PRKG1: variants seen among roughly 807,000 people sequenced by gnomAD.
The protein encoded by PRKG1 is protein kinase cGMP-dependent 1.
PRKG1 carries 35 observed loss-of-function variants against 88.1 expected under a neutral mutation model. The ratio of observed to expected loss-of-function variants is 0.40; its 90% CI spans 0.30 to 0.53. PRKG1 has a LOEUF of 0.53. Among genes scored for constraint, PRKG1 ranks in the 20% least tolerant of loss-of-function variants. PRKG1 has a pLI of 0.59. For synonymous variants in PRKG1, 303 were observed against 292.5 expected (o/e 1.04, Z -0.37); for missense variants, 540 against 839.8 (o/e 0.64, Z 4.41).
chr10:52,206,364 C>A (rs1194491), intron 9 of PRKG1, among the ~76,000 whole-genome samples: 79,708 of 151,832 alleles, frequency 0.52, 21,982 homozygotes, highest in East Asian at 0.72. Context: ...TCTCTTGAAT[C>A]TCCATGATCT....
chr10:51,022,815 A>G (rs913183753), intron 1 of PRKG1, among the ~76,000 whole-genome samples: 3 of 152,154 alleles, frequency 2.0e-5, no homozygotes, highest in Non-Finnish European at 2.9e-5. Flanking sequence ...TAAAATTCAG[A>G]TAAATTAAGA....
chr10:51,442,223 CA>C (rs1405415414), intron 2 of PRKG1, among the ~76,000 whole-genome samples: 1 of 151,908 alleles, frequency 6.6e-6, no homozygotes, highest in Non-Finnish European at 1.5e-5. Flanking sequence ...GTTTTTGAAA[CA>C]ATTCTTATTT....
intron 5 of PRKG1, among the ~76,000 whole-genome samples, chr10:52,020,817 G>A (rs914332377): frequency 3.9e-5 from 6 of 152,052 alleles, no homozygotes; most frequent in South Asian, 2.1e-4. Flanking sequence ...CTTACTGCAC[G>A]TGCCCCGGCT....
intron 1 of PRKG1, among the ~76,000 whole-genome samples, chr10:51,122,358 C>G (rs1438780229): frequency 1.3e-5 from 2 of 152,140 alleles, no homozygotes; most frequent in Non-Finnish European, 2.9e-5. Context: ...GACACAATAT[C>G]AACACAGCAC....
chr10:51,031,314 T>G (rs1284899634), intron 1 of PRKG1, among the ~76,000 whole-genome samples: 1 of 152,158 alleles, frequency 6.6e-6, no homozygotes, highest in Non-Finnish European at 1.5e-5. Context: ...ACTCTTAAAT[T>G]TGTGACAATG....
At chr10:52,036,930 T>C (rs1482430378) in intron 5 of PRKG1, among the ~76,000 whole-genome samples, 1 of 152,232 alleles carries the variant, frequency 6.6e-6, no homozygotes, top group African/African-American at 2.4e-5. Context: ...TCCGTATTGA[T>C]TAAGAAGGGG....
chr10:51,817,678 T>A (rs939643378), intron 4 of PRKG1, among the ~76,000 whole-genome samples: 12 of 152,186 alleles, frequency 7.9e-5, no homozygotes, highest in Non-Finnish European at 1.2e-4. Context: ...TTGTTATTTT[T>A]AATTTATGTT....
chr10:51,629,752 T>C (rs1839476181), intron 3 of PRKG1, among the ~76,000 whole-genome samples: 2 of 152,200 alleles, frequency 1.3e-5, no homozygotes, highest in South Asian at 4.2e-4. Context: ...ACCTGGCTTA[T>C]TAACAAGTGG....
chr10:52,176,997 A>G (rs533508302), intron 9 of PRKG1, among the ~76,000 whole-genome samples: 1 of 152,154 alleles, frequency 6.6e-6, no homozygotes, highest in Non-Finnish European at 1.5e-5. Flanking sequence ...TCCAGTTTGG[A>G]TGCCCTTTAT....
intron 3 of PRKG1, among the ~76,000 whole-genome samples, chr10:51,486,001 G>A (rs1045387819): frequency 1.2e-4 from 19 of 152,202 alleles, no homozygotes; most frequent in Middle Eastern, 3.4e-3. Flanking sequence ...GTTCGTTACC[G>A]TCATTTATCA....
chr10:51,524,993 G>A (rs990428851), intron 3 of PRKG1, among the ~76,000 whole-genome samples: 1 of 151,990 alleles, frequency 6.6e-6, no homozygotes, highest in East Asian at 1.9e-4. Flanking sequence ...AATTTGTTTT[G>A]TGCCAAGTAA....
intron 4 of PRKG1, among the ~76,000 whole-genome samples, chr10:51,903,394 A>G (rs564210270): frequency 5.7e-4 from 87 of 152,290 alleles, no homozygotes; most frequent in Non-Finnish European, 9.0e-4. Flanking sequence ...TATTAAGGCT[A>G]TATACTTAGG....
chr10:52,258,258 T>C (rs1441829685), intron 10 of PRKG1, among the ~76,000 whole-genome samples: 3 of 139,276 alleles, frequency 2.2e-5, no homozygotes, highest in African/African-American at 7.4e-5. Flanking sequence ...TGGGCATGTC[T>C]TTCCAAAGCT....
intron 3 of PRKG1, among the ~76,000 whole-genome samples, chr10:51,611,495 C>A (rs529711444): frequency 4.2e-4 from 59 of 140,102 alleles, no homozygotes; most frequent in Middle Eastern, 7.3e-3. Context: ...AAAAAAAAAA[C>A]GTTAAATTGT....
intron 2 of PRKG1, among the ~76,000 whole-genome samples, chr10:51,383,361 A>G (rs1416762185): frequency 6.6e-6 from 1 of 152,148 alleles, no homozygotes; most frequent in East Asian, 1.9e-4. Flanking sequence ...AGGGAAGAGG[A>G]CAATTAGAAG....
intron 2 of PRKG1, among the ~76,000 whole-genome samples, chr10:51,442,710 C>A (rs1366396036): frequency 6.6e-6 from 1 of 151,936 alleles, no homozygotes; most frequent in Non-Finnish European, 1.5e-5. Context: ...AAAAGCATGT[C>A]TTCATTTATT....
At chr10:52,229,084 A>T (rs1168297957) in intron 9 of PRKG1, among the ~76,000 whole-genome samples, 2 of 150,652 alleles carry the variant, frequency 1.3e-5, no homozygotes, top group African/African-American at 4.9e-5. Flanking sequence ...TTTATGTACT[A>T]TTTTTTTTTC....
intron 3 of PRKG1, among the ~76,000 whole-genome samples, chr10:51,661,613 G>A (rs1019078004): frequency 5.9e-5 from 9 of 152,100 alleles, no homozygotes; most frequent in Admixed American, 2.0e-4. Context: ...AAATAGGAAC[G>A]CTTTTTCACT....
At chr10:51,547,282 A>C (rs1842464552) in intron 3 of PRKG1, among the ~76,000 whole-genome samples, 1 of 152,108 alleles carries the variant, frequency 6.6e-6, no homozygotes, top group South Asian at 2.1e-4. Context: ...GATCCTATAA[A>C]ATATATCAGT....
Sources: gnomAD v4.1 joint callset for allele counts (sites outside exome capture counted in the v4.1 genomes callset) on GRCh38, gnomAD v4.1.1 for gene constraint, MANE v1.5 for transcripts, NCBI Gene and HGNC (gene_info 2026-07-23, HGNC 2026-07-21) for gene names.